Variants in SPAG17 observed in about 807,000 individuals in gnomAD.
SPAG17 encodes the protein sperm-associated antigen 17.
In SPAG17, 169 loss-of-function variants were observed where a neutral mutation model predicts 273.6. The observed-to-expected ratio is 0.62, with a 90% CI of 0.55 to 0.70. The LOEUF (loss-of-function observed/expected upper bound fraction) is 0.70. Among genes scored for constraint, SPAG17 ranks in the 30% least tolerant of loss-of-function variants. The pLI, the probability that SPAG17 is intolerant of heterozygous loss-of-function variation, is 0.00. For synonymous variants in SPAG17, 825 were observed against 873.2 expected (o/e 0.94, Z 0.97); for missense variants, 2,557 against 2,627.8 (o/e 0.97, Z 0.59).
In SPAG17 at chr1:118,174,443, A is replaced by T. The variant is rs561726857; in HGVS notation, c.87+10628T>A. ...ATAGAGTCTGATAAGCAAAAAGAAA[A>T]AAGTATGAAGAAAAGTATATAGAGC... On this transcript the variant is annotated intron_variant, in intron 1 of 48. Transcript: ENST00000336338. Among the ~76,000 whole-genome samples the T allele has an allele frequency of 3.0e-3, 457 of 152,310 alleles. 3 individuals are homozygous for T. The highest frequency in any genetic ancestry group is 0.01 in the African/African-American group (436 of 41,570).
chr1:118,182,369 T>C (rs1016040861), intron 1 of SPAG17, among the ~76,000 whole-genome samples: 1 of 152,144 alleles, frequency 6.6e-6, no homozygotes, highest in African/African-American at 2.4e-5. Context: ...CTGTGGCCAA[T>C]AGAGCCTGCC....
chr1:118,062,366 C>CAAAAAAA lies in SPAG17; in HGVS notation c.2540+4372_2540+4378dup, dbSNP rs56029752. On this transcript the variant is annotated intron_variant, in intron 18 of 48. Transcript: ENST00000336338. ...TGGGCGACAGAGCGAGACTCCATCT[C>CAAAAAAA]AAAAAAAAAAAAAAAAAAAAATTAA... Among the ~76,000 whole-genome samples the CAAAAAAA allele has an allele frequency of 6.5e-4, 30 of 46,408 alleles. 2 individuals carry two copies. The highest frequency in any genetic ancestry group is 3.7e-3 in the East Asian group (6 of 1,636). 30.4% of individuals were successfully genotyped at this position (46,408 alleles called of 152,430 possible).
At chr1:118,035,015 T>C (rs974714944) in intron 24 of SPAG17, among the ~76,000 whole-genome samples, 1 of 152,148 alleles carries the variant, frequency 6.6e-6, no homozygotes, top group Non-Finnish European at 1.5e-5. Flanking sequence ...CTAAATTATG[T>C]TTAGCTGTGC....
At chr1:117,979,899 G>C (rs1387116825) in intron 43 of SPAG17, among the ~76,000 whole-genome samples, 3 of 152,132 alleles carry the variant, frequency 2.0e-5, no homozygotes, top group African/African-American at 7.2e-5. Context: ...CTAATGGAAT[G>C]TTGCCCCTCT....
At chr1:117,972,080 C>T in intron 44 of SPAG17, 33 bp from the exon 45 acceptor site, 2 of 1,543,694 alleles carry the variant, frequency 1.3e-6, no homozygotes, top group South Asian at 1.2e-5. Flanking sequence ...TAAAATGGTT[C>T]TATTTTGAGT....
chr1:117,993,683 C>G (rs1657348076), intron 35 of SPAG17, among the ~76,000 whole-genome samples: 1 of 152,158 alleles, frequency 6.6e-6, no homozygotes, highest in Admixed American at 6.5e-5. Flanking sequence ...TGATGACAAT[C>G]AAAAACATTA....
At chr1:118,185,011 G>T in intron 1 of SPAG17, 60 bp downstream of exon 1, 5 of 1,444,194 alleles carry the variant, frequency 3.5e-6, no homozygotes, top group South Asian at 3.4e-5. Flanking sequence ...GCCTAGGAGG[G>T]TCTGGCCGGG....
At chr1:118,005,328 TAA>T in intron 32 of SPAG17, 84 bp downstream of exon 32, 1 of 1,215,898 alleles carries the variant, frequency 8.2e-7, no homozygotes, top group Non-Finnish European at 1.1e-6. Context: ...GCAACTAAGG[TAA>T]AAATCTACAT....
chr1:118,125,894 G>A (rs1263293744), intron 3 of SPAG17, among the ~76,000 whole-genome samples: 1 of 152,048 alleles, frequency 6.6e-6, no homozygotes, highest in African/African-American at 2.4e-5. Context: ...TACCTAATAG[G>A]GGAATGGTGG....
chr1:117,982,281 G>A (rs376680189), intron 42 of SPAG17, among the ~76,000 whole-genome samples: 1 of 138,318 alleles, frequency 7.2e-6, no homozygotes, highest in Admixed American at 8.0e-5. Flanking sequence ...TTGCTCTGTC[G>A]CCCAGGCTGG....
chr1:117,991,578 G>A (rs1398601019), intron 36 of SPAG17, 50 bp from the exon 37 acceptor site: 1 of 1,168,352 alleles, frequency 8.6e-7, no homozygotes, highest in Non-Finnish European at 1.2e-6. Context: ...ATTAGGAAGA[G>A]AGAGATACAA....
At chr1:117,984,173 G>A (rs956323495) in intron 41 of SPAG17, among the ~76,000 whole-genome samples, 1 of 152,170 alleles carries the variant, frequency 6.6e-6, no homozygotes, top group Non-Finnish European at 1.5e-5. Flanking sequence ...TTGCTTCAGG[G>A]TTTTAATGAA....
At chr1:118,055,433 C>T (rs1431177462) in intron 19 of SPAG17, among the ~76,000 whole-genome samples, 1 of 152,140 alleles carries the variant, frequency 6.6e-6, no homozygotes, top group Non-Finnish European at 1.5e-5. Context: ...TTTACCAATC[C>T]TACCAATAAA....
In SPAG17 at chr1:118,081,104, G is replaced by A; in HGVS notation, c.2206C>T (p.Leu736=). 6.2e-7 allele frequency: 1 copy of A among 1,609,150 alleles called. No homozygotes were observed. Residue 736 remains leucine (L), a synonymous_variant, in exon 15 of 49, where the codon CTG becomes TTG. Coordinates refer to ENST00000336338, the MANE Select transcript of SPAG17 (RefSeq NM_206996.4). ...ACACACACACACTTTAACTTACCCA[G>A]AGACTCATGTTGGGGCTGAGCCTTC... ...IMKAQPQHES[L]EQTTNNEIKD...
chr1:117,992,668 A>G lies in SPAG17; in HGVS notation c.5179-20T>C. The G allele has an allele frequency of 3.2e-6, 5 of 1,546,988 alleles. No homozygotes were observed. Among genetic ancestry groups the G allele is most frequent in the Non-Finnish European group, 3.5e-6 (4 of 1,150,580 alleles). On this transcript the variant is annotated intron_variant, in intron 35 of 48. Transcript: ENST00000336338. ...TTTTTTCTGTTAACAAAACAAAGCAATAACACCACCAAAGAAATCAGAATG... is the reference window on the plus strand; with the variant it reads ...TTTTTTCTGTTAACAAAACAAAGCAGTAACACCACCAAAGAAATCAGAATG...
intron 31 of SPAG17, 38 bp downstream of exon 31, chr1:118,008,006 C>T: frequency 3.7e-6 from 6 of 1,612,670 alleles, no homozygotes; most frequent in Non-Finnish European, 4.2e-6. Flanking sequence ...TGAATAGACA[C>T]TCATCTTTGG....
chr1:118,027,650 T>C (rs1007840526), intron 26 of SPAG17, among the ~76,000 whole-genome samples: 2 of 152,226 alleles, frequency 1.3e-5, no homozygotes, highest in African/African-American at 4.8e-5. Context: ...TATTTAAATA[T>C]ATTCAAATTC....
intron 48 of SPAG17, chr1:117,955,288 C>T: frequency 1.3e-6 from 2 of 1,599,634 alleles, no homozygotes. Flanking sequence ...AAGAGTATCA[C>T]TAATGGTATT....
At chr1:117,954,156 A>G (rs1651816860) in intron 48 of SPAG17, 107 bp from the exon 49 acceptor site, 2 of 1,462,560 alleles carry the variant, frequency 1.4e-6, no homozygotes, top group Middle Eastern at 1.8e-4. Context: ...CAAGGAGAAA[A>G]ACCATTGTTT....
Sources: gnomAD v4.1 joint callset for allele counts (sites outside exome capture counted in the v4.1 genomes callset) on GRCh38, gnomAD v4.1.1 for gene constraint, MANE v1.5 for transcripts, NCBI Gene and HGNC (gene_info 2026-07-23, HGNC 2026-07-21) for gene names.